CCNY: variants seen among roughly 807,000 people sequenced by gnomAD.
CCNY encodes the protein cyclin-Y.
Under a neutral mutation model 42.8 loss-of-function variants are expected in CCNY, and 19 were observed. The observed-to-expected ratio is 0.44, with a 90% CI of 0.31 to 0.65. The LOEUF (loss-of-function observed/expected upper bound fraction) is 0.65, where lower values mean the gene tolerates loss of function less well. CCNY is among the 30% of genes least tolerant of loss of function. CCNY has a pLI of 0.07. For missense variants in CCNY, 370 were observed against 437.3 expected, an observed-to-expected ratio of 0.85 and a Z score of 1.37; for synonymous variants, 165 against 162.7, an observed-to-expected ratio of 1.01 and a Z score of -0.11.
chr10:35,316,634 T>C (rs1479899353), intron 3 of CCNY, among the ~76,000 whole-genome samples: 1 of 152,200 alleles, frequency 6.6e-6, no homozygotes, highest in African/African-American at 2.4e-5. Flanking sequence ...TGAATTAAAT[T>C]GTGCTATGGA....
chr10:35,383,072 C>G (rs1837224779), intron 1 of CCNY, among the ~76,000 whole-genome samples: 1 of 152,082 alleles, frequency 6.6e-6, no homozygotes, highest in Admixed American at 6.5e-5. Context: ...TTTCGGGATG[C>G]AAAACCTGCG....
intron 4 of CCNY, among the ~76,000 whole-genome samples, chr10:35,520,153 A>G (rs1840519464): frequency 6.6e-6 from 1 of 152,126 alleles, no homozygotes; most frequent in African/African-American, 2.4e-5. Context: ...CCCTGGAAAT[A>G]CCAGCATCTC....
At chr10:35,511,674 C>A (rs1663058314) in intron 3 of CCNY, among the ~76,000 whole-genome samples, 1 of 152,206 alleles carries the variant, frequency 6.6e-6, no homozygotes, top group South Asian at 2.1e-4. Flanking sequence ...GGGAATTCTA[C>A]CCTGCAGTGC....
rs188993624 is a variant in CCNY, at chr10:35,468,245, G to A, written c.155-15159G>A. ...TCTCTGGGGCCTCTTTCATAAGGGC[G>A]CTAATCGCATTCGTGAGGGCTCTGC... On this transcript the variant is annotated intron_variant, in intron 1 of 9. Transcript: ENST00000374704. Among the ~76,000 whole-genome samples the A allele has an allele frequency of 3.7e-3, 567 of 152,264 alleles. 5 individuals carry two copies. The highest frequency in any genetic ancestry group is 0.013 in the African/African-American group (538 of 41,542).
chr10:35,294,009 C>T (rs1020307192), intron 3 of CCNY, among the ~76,000 whole-genome samples: 8 of 152,210 alleles, frequency 5.3e-5, no homozygotes, highest in African/African-American at 1.7e-4. Context: ...AGGCTGGTCT[C>T]GAACTCCTGA....
At chr10:35,549,157 A>G (rs1352381154) in intron 7 of CCNY, among the ~76,000 whole-genome samples, 1 of 144,450 alleles carries the variant, frequency 6.9e-6, no homozygotes, top group Non-Finnish European at 1.5e-5. Flanking sequence ...GGCAGAGAAG[A>G]GTCTGACCTG....
intron 8 of CCNY, among the ~76,000 whole-genome samples, chr10:35,565,472 G>A (rs1199580594): frequency 2.6e-5 from 4 of 152,304 alleles, no homozygotes; most frequent in Admixed American, 2.6e-4. Context: ...CGGCTTGTGA[G>A]TTCTCTTTTT....
intron 3 of CCNY, among the ~76,000 whole-genome samples, chr10:35,255,754 C>G (rs916025922): frequency 2.0e-5 from 3 of 152,034 alleles, no homozygotes; most frequent in Non-Finnish European, 4.4e-5. Context: ...GCCACCATGC[C>G]TGGCTAATTT....
upstream of CCNY, among the ~76,000 whole-genome samples, chr10:35,333,821 CTG>C (rs1835974639): frequency 6.6e-6 from 1 of 152,056 alleles, no homozygotes; most frequent in Non-Finnish European, 1.5e-5. Flanking sequence ...CAAAGTGTCA[CTG>C]TGTGTCAGGC....
At position 35,336,867 on chromosome 10, in the gene CCNY, C is replaced by A; in HGVS notation, c.-187C>A. On this transcript the variant is annotated 5_prime_UTR_variant, in exon 1 of 10. Transcript: ENST00000374704. The stretch of plus-strand genomic sequence containing the variant: ...CGTCGCCGCCGCCGCCGCCGCCGCC[C>A]ATGGCGAGGCCCCGCCGCCGCCGCC... The A allele has an allele frequency of 6.1e-6, 1 of 162,714 alleles. No homozygotes were observed. Among genetic ancestry groups the A allele is most frequent in the South Asian group, 1.7e-4 (1 of 5,826 alleles). 10.1% of individuals were successfully genotyped at this position (162,714 alleles called of 1,614,324 possible).
At chr10:35,251,009 A>G (rs2095711594) in intron 3 of CCNY, 1 of 152,356 alleles carries the variant, frequency 6.6e-6, no homozygotes, top group Non-Finnish European at 1.5e-5. Context: ...CCCAGGGGCC[A>G]TGCTAATCTT....
At chr10:35,348,455 G>A (rs1312925669) in intron 1 of CCNY, among the ~76,000 whole-genome samples, 2 of 152,214 alleles carry the variant, frequency 1.3e-5, no homozygotes, top group African/African-American at 4.8e-5. Context: ...CTTAAGCACC[G>A]TGTGTGCTCT....
At chr10:35,443,738 C>G (rs112714907) in intron 1 of CCNY, among the ~76,000 whole-genome samples, 1,584 of 152,308 alleles carry the variant, frequency 0.01, 24 homozygotes, top group African/African-American at 0.036. Flanking sequence ...CTAGATATTT[C>G]CCCTGGCATA....
intron 1 of CCNY, among the ~76,000 whole-genome samples, chr10:35,395,472 C>T (rs1837503647): frequency 6.6e-6 from 1 of 152,018 alleles, no homozygotes. Context: ...GATTCTAGCT[C>T]AACTGACCCA....
rs754053977 is a variant in CCNY, at chr10:35,417,118, A to G, written c.155-66286A>G. ...TGAAACACATCACTTCTTATGCTCC[A>G]TTGTGGCCCTGGCTGATTGCAAGGA... On this transcript the variant is annotated intron_variant, in intron 1 of 9. Coordinates refer to ENST00000374704, the MANE Select transcript of CCNY (RefSeq NM_145012.6). Among the ~76,000 whole-genome samples the G allele has an allele frequency of 3.9e-5, 6 of 152,282 alleles. No individual in the cohort carries two copies. In the South Asian group the frequency reaches 1.0e-3, roughly 26 times the overall value.
intron 3 of CCNY, among the ~76,000 whole-genome samples, chr10:35,322,113 T>C (rs1401837693): frequency 6.6e-6 from 1 of 152,198 alleles, no homozygotes; most frequent in East Asian, 1.9e-4. Flanking sequence ...CCCAGCACTA[T>C]GGGAGAACGA....
chr10:35,316,226 T>C (rs1036323193), intron 3 of CCNY: 1 of 152,106 alleles, frequency 6.6e-6, no homozygotes, highest in African/African-American at 2.4e-5. Flanking sequence ...TGGCCAGGGG[T>C]AGGAGTCAGA....
intron 1 of CCNY, among the ~76,000 whole-genome samples, chr10:35,424,741 G>T (rs533173557): frequency 2.6e-5 from 4 of 152,168 alleles, no homozygotes; most frequent in Admixed American, 2.0e-4. Context: ...GAACCAAGGC[G>T]TGTTCCCAAG....
intron 4 of CCNY, among the ~76,000 whole-genome samples, chr10:35,525,422 A>T: frequency 6.6e-6 from 1 of 152,220 alleles, no homozygotes; most frequent in East Asian, 1.9e-4. Context: ...TTTAAAATGT[A>T]AAATAAAATG....
Sources: gnomAD v4.1 joint callset for allele counts (sites outside exome capture counted in the v4.1 genomes callset) on GRCh38, gnomAD v4.1.1 for gene constraint, MANE v1.5 for transcripts, NCBI Gene and HGNC (gene_info 2026-07-23, HGNC 2026-07-21) for gene names.